The following ELP6 variants were observed in gnomAD, a reference collection of about 807,000 sequenced individuals.
ELP6 encodes the protein elongator complex protein 6.
In ELP6, 23 loss-of-function variants were observed where a neutral mutation model predicts 28.1. That is an observed-to-expected ratio of 0.82 (90% CI 0.59 to 1.16). The LOEUF is 1.16. Among genes scored for constraint, ELP6 ranks in the 50% most tolerant of loss-of-function variants. The probability of loss-of-function intolerance (pLI) is 0.00; values close to 1 mark genes in which losing one functional copy is unlikely to be tolerated. For synonymous variants in ELP6, 132 were observed against 135.8 expected, an observed-to-expected ratio of 0.97 and a Z score of 0.19; for missense variants, 313 against 334.6, an observed-to-expected ratio of 0.94 and a Z score of 0.50.
chr3:47,502,691 T>A, intron 4 of ELP6: 1 of 342,960 alleles, frequency 2.9e-6, no homozygotes, highest in Non-Finnish European at 4.1e-6. Context: ...TTTTTTTAAA[T>A]TAGCCAGGCA....
chr3:47,503,183 G>C (rs551992391), intron 4 of ELP6: 31 of 1,160,680 alleles, frequency 2.7e-5, no homozygotes, highest in Admixed American at 8.2e-5. Context: ...AGTCAGAGAT[G>C]CTAAGGGATG....
intron 6 of ELP6, 118 bp from the exon 7 acceptor site, chr3:47,496,315 T>C (rs2108066139): frequency 2.8e-6 from 4 of 1,441,314 alleles, no homozygotes; most frequent in Non-Finnish European, 1.8e-6. Context: ...GATAGTCAGA[T>C]GTGCCATCTG....
At chr3:47,513,269 G>T in intron 1 of ELP6, 1 of 1,325,752 alleles carries the variant, frequency 7.5e-7, no homozygotes, top group African/African-American at 1.5e-5. Flanking sequence ...TGGGATTACA[G>T]GGGTGAGCCA....
chr3:47,513,330 G>A (rs1277115841), intron 1 of ELP6: 1 of 1,397,796 alleles, frequency 7.2e-7, no homozygotes, highest in Non-Finnish European at 9.2e-7. Flanking sequence ...CAGCCGTTGA[G>A]AATATGCGAG....
At chr3:47,497,882 G>C (rs971736445) in intron 6 of ELP6, 1 of 887,732 alleles carries the variant, frequency 1.1e-6, no homozygotes, top group Admixed American at 6.2e-5. Flanking sequence ...AGTGAGCCAA[G>C]ATCGCGCCAC....
At chr3:47,510,325 GA>G in intron 2 of ELP6, 71 bp from the exon 3 acceptor site, 45 of 1,365,378 alleles carry the variant, frequency 3.3e-5, no homozygotes, top group South Asian at 1.1e-4. Flanking sequence ...CATACCTCTG[GA>G]AAAAAAAGCA....
In ELP6 at chr3:47,496,389, C is replaced by CCATTACAGTAGTCATATTGGCT. The variant is rs1294818335; in HGVS notation, c.673-214_673-193dup. ...CTAACTACAAATAAAGGGTTCCCCT[C>CCATTACAGTAGTCATATTGGCT]CATTACAGTAGTCATATTGGCTCAA... is the stretch of plus-strand genomic sequence containing the variant. On this transcript the variant is annotated intron_variant, in intron 6 of 6. Coordinates refer to ENST00000296149, the MANE Select transcript of ELP6 (RefSeq NM_001031703.3). 50 of 985,030 alleles carry CCATTACAGTAGTCATATTGGCT rather than the reference C, an allele frequency of 5.1e-5. No homozygotes were observed. The East Asian group carries it at 4.9e-3, about 96-fold the overall frequency. 61.0% of individuals were successfully genotyped at this position (985,030 alleles called of 1,614,324 possible).
At chr3:47,500,063 T>A in intron 5 of ELP6, 1 of 1,260,502 alleles carries the variant, frequency 7.9e-7, no homozygotes, top group Non-Finnish European at 1.0e-6. Flanking sequence ...AAAACCCTCA[T>A]CCCAGAGCAG....
intron 3 of ELP6, among the ~76,000 whole-genome samples, chr3:47,507,988 C>T (rs921026031): frequency 4.8e-5 from 7 of 145,044 alleles, no homozygotes; most frequent in Non-Finnish European, 9.2e-5. Flanking sequence ...CTATCTCATC[C>T]TGAAACAGAT....
intron 6 of ELP6, 182 bp downstream of exon 6, chr3:47,498,104 C>T (rs1024639711): frequency 7.3e-7 from 1 of 1,366,166 alleles, no homozygotes; most frequent in South Asian, 1.4e-5. Flanking sequence ...GTGGGCTGGT[C>T]CATGAGGCTA....
intron 3 of ELP6, among the ~76,000 whole-genome samples, chr3:47,509,061 GCCTTTTTTTT>G (rs1559593954): frequency 6.6e-6 from 1 of 152,000 alleles, no homozygotes; most frequent in Non-Finnish European, 1.5e-5. Context: ...ACCGTGCCCA[GCCTTTTTTTT>G]CCTTTTTTTA....
Position 47,498,390 on chromosome 3 carries a change from C to A in ELP6, c.568G>T (p.Asp190Tyr), listed in dbSNP as rs1708542110. 6.2e-7 allele frequency: 1 copy of A among 1,613,634 alleles called. No individual in the cohort carries two copies. Among genetic ancestry groups the A allele is most frequent in the Middle Eastern group, 1.6e-4 (1 of 6,062 alleles). ...TTCAGCAGGATGTCATTCTCCTCAT[C>A]CTCCGCATCTCCACTGTCGTGCACA... ...VLVHDSGDAE[D>Y]EENDILLNGL... Residue 190 changes from aspartate to tyrosine, a missense_variant, in exon 6 of 7, where the codon GAT becomes TAT. Coordinates refer to ENST00000296149, the MANE Select transcript of ELP6 (RefSeq NM_001031703.3).
intron 3 of ELP6, chr3:47,509,983 A>G: frequency 2.1e-6 from 1 of 466,172 alleles, no homozygotes; most frequent in Non-Finnish European, 3.8e-6. Flanking sequence ...AATGGTCTCC[A>G]GCTCTTGACC....
At chr3:47,507,510 A>G (rs1708875281) in intron 3 of ELP6, among the ~76,000 whole-genome samples, 1 of 150,074 alleles carries the variant, frequency 6.7e-6, no homozygotes, top group Admixed American at 6.7e-5. Context: ...AATAGGTCAC[A>G]TGGGGCTCGG....
intron 5 of ELP6, chr3:47,499,914 T>A: frequency 7.5e-7 from 1 of 1,329,468 alleles, no homozygotes; most frequent in South Asian, 1.2e-5. Flanking sequence ...GTGGAGGACG[T>A]GACCCTCAAC....
chr3:47,501,595 T>C, intron 5 of ELP6, 55 bp downstream of exon 5: 1 of 1,557,188 alleles, frequency 6.4e-7, no homozygotes, highest in Non-Finnish European at 8.9e-7. Flanking sequence ...GGTCTGGACC[T>C]GTCTGAGTTC....
At chr3:47,500,907 T>A (rs1209173184) in intron 5 of ELP6, among the ~76,000 whole-genome samples, 1 of 152,190 alleles carries the variant, frequency 6.6e-6, no homozygotes, top group East Asian at 1.9e-4. Flanking sequence ...TGTCCACACG[T>A]TCCTGCCAGC....
chr3:47,509,995 C>T (rs776244860), intron 3 of ELP6, 189 bp downstream of exon 3: 29 of 496,352 alleles, frequency 5.8e-5, no homozygotes, highest in Admixed American at 2.9e-4. Context: ...CTCTTGACCT[C>T]GTGATCTGCC....
In ELP6 at chr3:47,513,584, C is replaced by T. The variant is rs1390114491; in HGVS notation, c.7G>A (p.Val3Met). ...GTGTTAAGCAGGTTATTAAGTTCCA[C>T]GAACATTCCGAGCTCCTGGGACTAG... is the stretch of plus-strand genomic sequence containing the variant. MF[V>M]ELNNLLNTTP... The change falls in exon 1 of 7, where the codon GTG (valine) becomes ATG (methionine). Residue 3 changes from valine to methionine, a missense_variant. Coordinates refer to ENST00000296149, the MANE Select transcript of ELP6 (RefSeq NM_001031703.3). 9 of 1,613,254 alleles carry T rather than the reference C, an allele frequency of 5.6e-6. No individual in the cohort carries two copies. The highest frequency in any genetic ancestry group is 7.6e-6 in the Non-Finnish European group (9 of 1,179,628).
Sources: allele counts gnomAD v4.1 joint callset (sites outside exome capture counted in the v4.1 genomes callset), GRCh38; gene constraint gnomAD v4.1.1; transcripts MANE v1.5; gene names NCBI Gene and HGNC (gene_info 2026-07-23, HGNC 2026-07-21).